The following CASTOR2 variants were observed in gnomAD, a reference collection of about 807,000 sequenced individuals.
CASTOR2 encodes GATS protein like 2.
In CASTOR2, 8 loss-of-function variants were observed where a neutral mutation model predicts 31.2. The ratio of observed to expected loss-of-function variants is 0.26; its 90% CI spans 0.15 to 0.46. CASTOR2 has a LOEUF of 0.46. Among genes scored for constraint, CASTOR2 ranks in the 20% least tolerant of loss-of-function variants. CASTOR2 has a pLI of 0.99. For synonymous variants in CASTOR2, 162 were observed against 158.7 expected, an observed-to-expected ratio of 1.02 and a Z score of -0.16; for missense variants, 216 against 382.1, an observed-to-expected ratio of 0.57 and a Z score of 3.62.
chr7:74,972,992 C>A (rs587624254), intron 1 of CASTOR2, among the ~76,000 whole-genome samples: 2 of 148,582 alleles, frequency 1.3e-5, no homozygotes, highest in East Asian at 4.0e-4. Flanking sequence ...TAACGTCTTA[C>A]GAGGTATTTA....
At position 75,024,811 on chromosome 7, in the gene CASTOR2, A is replaced by AG. The variant is rs1191265315; in HGVS notation, c.*116dup. The AG allele has an allele frequency of 1.5e-4, 234 of 1,549,416 alleles. No individual in the cohort carries two copies. In the South Asian group the frequency reaches 2.0e-3, roughly 13 times the overall value. On this transcript the variant is annotated 3_prime_UTR_variant, in exon 9 of 9. Transcript: ENST00000616305. ...AAAATCAGCCTGGGGACCCTGAGGA[A>AG]GGGGCCTCTGTGGGAGACTCCCTCG...
At chr7:74,999,212 G>T (rs1431636706) in intron 1 of CASTOR2, among the ~76,000 whole-genome samples, 1 of 151,744 alleles carries the variant, frequency 6.6e-6, no homozygotes, top group African/African-American at 2.4e-5. Flanking sequence ...GGGTTTAACC[G>T]TGTTAGCCAG....
At chr7:74,990,769 C>G (rs1804190111) in intron 1 of CASTOR2, among the ~76,000 whole-genome samples, 1 of 152,156 alleles carries the variant, frequency 6.6e-6, no homozygotes, top group Admixed American at 6.6e-5. Context: ...GCAGGAGAAT[C>G]ACTTGAATGC....
intron 1 of CASTOR2, among the ~76,000 whole-genome samples, chr7:74,999,002 T>C (rs1804425078): frequency 6.6e-6 from 1 of 151,924 alleles, no homozygotes; most frequent in Non-Finnish European, 1.5e-5. Flanking sequence ...CTATCTTTTT[T>C]TTTTGTTTTT....
intron 1 of CASTOR2, among the ~76,000 whole-genome samples, chr7:74,975,083 C>T (rs1554435501): frequency 6.6e-6 from 1 of 151,270 alleles, no homozygotes; most frequent in Non-Finnish European, 1.5e-5. Context: ...ATGCTCCTGC[C>T]TCAGCCTCCT....
intron 1 of CASTOR2, among the ~76,000 whole-genome samples, chr7:75,005,990 TGTG>T (rs1354085181): frequency 6.6e-6 from 1 of 152,032 alleles, no homozygotes; most frequent in Non-Finnish European, 1.5e-5. Context: ...ATTAGCCAGA[TGTG>T]GTGGTGGGCG....
At chr7:75,014,224 A>G (rs1804814164) in intron 2 of CASTOR2, among the ~76,000 whole-genome samples, 1 of 151,864 alleles carries the variant, frequency 6.6e-6, no homozygotes, top group Non-Finnish European at 1.5e-5. Context: ...GCGGTACATC[A>G]TTGTGGTCCA....
intron 2 of CASTOR2, among the ~76,000 whole-genome samples, chr7:75,009,207 C>T (rs1420801421): frequency 6.7e-5 from 10 of 148,622 alleles, no homozygotes; most frequent in Admixed American, 6.1e-4. Context: ...CCACCCGCCT[C>T]GTCCTCCCAA....
intron 1 of CASTOR2, among the ~76,000 whole-genome samples, chr7:74,971,039 A>G (rs1803666795): frequency 6.6e-6 from 1 of 150,962 alleles, no homozygotes; most frequent in Admixed American, 6.6e-5. Context: ...TTGGTCGCCC[A>G]GGCTGGAGTA....
At chr7:74,995,132 T>C (rs1804310033) in intron 1 of CASTOR2, among the ~76,000 whole-genome samples, 1 of 151,972 alleles carries the variant, frequency 6.6e-6, no homozygotes, top group Non-Finnish European at 1.5e-5. Flanking sequence ...CTGGAGGGCT[T>C]GAGGAGGTGG....
chr7:75,026,040 G>A lies in CASTOR2; in HGVS notation c.*1341G>A, dbSNP rs987816479. Among the ~76,000 whole-genome samples, 2 of 152,302 alleles carry A rather than the reference G, an allele frequency of 1.3e-5. No homozygotes were observed. The highest frequency in any genetic ancestry group is 2.4e-5 in the African/African-American group (1 of 41,580). ...AGCACCGGAGGGGGTGAGGGAACCC[G>A]AGGGCCATGGGGAGGTGGACAGCCA... On this transcript the variant is annotated 3_prime_UTR_variant, in exon 9 of 9. Transcript: ENST00000616305.
Position 75,027,720 on chromosome 7 carries a change from C to T in CASTOR2, c.*3021C>T. 1 of 406,008 alleles carries T rather than the reference C, an allele frequency of 2.5e-6. No individual in the cohort carries two copies. Among genetic ancestry groups the T allele is most frequent in the Non-Finnish European group, 4.6e-6 (1 of 219,702 alleles). 25.2% of individuals were successfully genotyped at this position (406,008 alleles called of 1,614,324 possible). ...GAGCTGCCCCCTGGGGACCCTGCTC[C>T]TCGGTCACAGGGGGCCCCTTTAGTT... On this transcript the variant is annotated 3_prime_UTR_variant, in exon 9 of 9. Transcript: ENST00000616305.
At position 75,028,052 on chromosome 7, in the gene CASTOR2, T is replaced by C; in HGVS notation, c.*3353T>C. On this transcript the variant is annotated 3_prime_UTR_variant, in exon 9 of 9. Coordinates refer to ENST00000616305, the MANE Select transcript of CASTOR2 (RefSeq NM_001145064.3). Reference sequence around the variant, plus strand: ...GGTAATCAGAGGAGTGGGCCTGTTGTCTTGGCGCTGGCGGATGGGGCAGGT... The same window carrying C: ...GGTAATCAGAGGAGTGGGCCTGTTGCCTTGGCGCTGGCGGATGGGGCAGGT... The C allele has an allele frequency of 6.5e-7, 1 of 1,534,416 alleles. No individual in the cohort carries two copies. The highest frequency in any genetic ancestry group is 8.7e-7 in the Non-Finnish European group (1 of 1,146,668).
rs1224186812 is a variant in CASTOR2 at position 75,025,188 on chromosome 7, A to G, written c.*489A>G. Among the ~76,000 whole-genome samples, 2 of 152,196 alleles carry G rather than the reference A, an allele frequency of 1.3e-5. No individual in the cohort carries two copies. Among genetic ancestry groups the G allele is most frequent in the East Asian group, 3.9e-4 (2 of 5,192 alleles). ...CACTGGTCTCTGCTTCCATCAGCTC[A>G]GGGCTGGTTCCCTCGGAGTGGAGGC... On this transcript the variant is annotated 3_prime_UTR_variant, in exon 9 of 9. Coordinates refer to ENST00000616305, the MANE Select transcript of CASTOR2 (RefSeq NM_001145064.3).
chr7:75,009,354 G>A (rs1194366016), intron 2 of CASTOR2, among the ~76,000 whole-genome samples: 5 of 116,506 alleles, frequency 4.3e-5, no homozygotes, highest in Non-Finnish European at 6.5e-5. Context: ...TGCAAGCTCC[G>A]CCTCCCAGGT....
intron 1 of CASTOR2, among the ~76,000 whole-genome samples, chr7:74,989,427 T>C (rs1481095795): frequency 1.3e-5 from 2 of 151,740 alleles, no homozygotes; most frequent in Non-Finnish European, 2.9e-5. Context: ...TGGGTAATTT[T>C]TGTTTTGTTT....
rs913696275 is a variant in CASTOR2 at position 75,031,160 on chromosome 7, G to A, written c.*6461G>A. On this transcript the variant is annotated 3_prime_UTR_variant, in exon 9 of 9. Coordinates refer to ENST00000616305, the MANE Select transcript of CASTOR2 (RefSeq NM_001145064.3). The stretch of plus-strand genomic sequence containing the variant: ...CTTTCTCTATGCCAAAATCATTTCC[G>A]TTATCCTGAGATGGGGGTGAGTGGA... 2.0e-5 allele frequency among the ~76,000 whole-genome samples: 3 copies of A among 152,250 alleles called. No homozygotes were observed. Among genetic ancestry groups the A allele is most frequent in the African/African-American group, 4.8e-5 (2 of 41,570 alleles).
chr7:74,988,061 C>T (rs868936696), intron 1 of CASTOR2, among the ~76,000 whole-genome samples: 4 of 150,968 alleles, frequency 2.6e-5, no homozygotes, highest in Non-Finnish European at 5.9e-5. Context: ...TGTTCTCACT[C>T]TTGGCCTCTG....
In CASTOR2 at chr7:75,025,494, C is replaced by T. The variant is rs1805102529; in HGVS notation, c.*795C>T. Among the ~76,000 whole-genome samples the T allele has an allele frequency of 6.6e-6, 1 of 152,224 alleles. No homozygotes were observed. Among genetic ancestry groups the T allele is most frequent in the South Asian group, 2.1e-4 (1 of 4,836 alleles). ...CTGGACCCGACTTGGGCAGGTAGAG[C>T]CTCAGCTTCCCCCAGTAGGGACATC... is the stretch of plus-strand genomic sequence containing the variant. On this transcript the variant is annotated 3_prime_UTR_variant, in exon 9 of 9. Transcript: ENST00000616305.
Sources: allele counts gnomAD v4.1 joint callset (sites outside exome capture counted in the v4.1 genomes callset), GRCh38; gene constraint gnomAD v4.1.1; transcripts MANE v1.5; gene names NCBI Gene and HGNC (gene_info 2026-07-23, HGNC 2026-07-21).